The following NTM variants were observed in gnomAD, a reference collection of about 807,000 sequenced individuals.
NTM encodes the protein neurotrimin.
NTM carries 13 observed loss-of-function variants against 42.1 expected under a neutral mutation model. That is an observed-to-expected ratio of 0.31 (90% CI 0.20 to 0.49). NTM has a LOEUF of 0.49. Ranked by LOEUF, NTM falls within the 20% of genes least tolerant of loss-of-function variation. The pLI is 0.99. For synonymous variants in NTM, 187 were observed against 179.2 expected (o/e 1.04, Z -0.35); for missense variants, 373 against 452.8 (o/e 0.82, Z 1.60).
intron 1 of NTM, among the ~76,000 whole-genome samples, chr11:131,529,672 A>G (rs1411277113): frequency 1.3e-5 from 2 of 152,214 alleles, no homozygotes; most frequent in Non-Finnish European, 2.9e-5. Context: ...TATACAAGAA[A>G]GATAAACCCT....
chr11:132,179,652 G>A (rs2077277748), intron 3 of NTM, among the ~76,000 whole-genome samples: 1 of 152,192 alleles, frequency 6.6e-6, no homozygotes. Context: ...ACGGTTTGAA[G>A]AGGGACGAAG....
intron 1 of NTM, among the ~76,000 whole-genome samples, chr11:131,813,676 G>A (rs547990548): frequency 6.6e-6 from 1 of 152,268 alleles, no homozygotes; most frequent in Non-Finnish European, 1.5e-5. Flanking sequence ...TAAAATCAAA[G>A]TGGTATTATA....
At chr11:132,169,536 T>C (rs764605871) in intron 3 of NTM, among the ~76,000 whole-genome samples, 14 of 151,590 alleles carry the variant, frequency 9.2e-5, no homozygotes, top group Non-Finnish European at 1.5e-4. Context: ...GGAGTTTCAC[T>C]GTGTTAGCCA....
At chr11:131,952,836 A>G (rs2061162786) in intron 2 of NTM, among the ~76,000 whole-genome samples, 1 of 152,206 alleles carries the variant, frequency 6.6e-6, no homozygotes, top group Non-Finnish European at 1.5e-5. Flanking sequence ...CTGGTGACCA[A>G]TGCATTATCT....
chr11:132,143,228 T>C (rs2069576199), intron 2 of NTM, among the ~76,000 whole-genome samples: 1 of 152,174 alleles, frequency 6.6e-6, no homozygotes, highest in African/African-American at 2.4e-5. Flanking sequence ...GGTTAGAGGT[T>C]CTCAGGGAGC....
At position 131,772,535 on chromosome 11, in the gene NTM, C is replaced by T. The variant is rs145536602; in HGVS notation, c.83-139029C>T. Among the ~76,000 whole-genome samples the T allele has an allele frequency of 2.5e-3, 386 of 152,252 alleles. 2 individuals are homozygous for T. Among genetic ancestry groups the T allele is most frequent in the African/African-American group, 8.8e-3 (366 of 41,556 alleles). On this transcript the variant is annotated intron_variant, in intron 1 of 8. Coordinates refer to ENST00000683400, the MANE Select transcript of NTM (RefSeq NM_001352005.2). ...ATGTCTAGAACTGAAGGACAACCAG[C>T]AAGAAAACAGGACTTCAGCCTTGCA...
intron 3 of NTM, among the ~76,000 whole-genome samples, chr11:132,185,291 AT>A (rs1309023777): frequency 7.9e-5 from 12 of 152,360 alleles, no homozygotes; most frequent in African/African-American, 2.9e-4. Flanking sequence ...CCAAACAGAC[AT>A]TTATGCACAC....
rs1197743281 is a variant in NTM, at chr11:132,330,194, ATTT to A, written c.967+12_967+14del. 6.4e-7 allele frequency: 1 copy of A among 1,551,304 alleles called. No individual in the cohort carries two copies. Among genetic ancestry groups the A allele is most frequent in the Admixed American group, 2.0e-5 (1 of 50,918 alleles). ...CCTGACCCCTTGGAAAGGTTTGTATATTTTTCAGACAGCTGCTGCCTTGGTGGG... is the reference window on the plus strand; with the variant it reads ...CCTGACCCCTTGGAAAGGTTTGTATATTCAGACAGCTGCTGCCTTGGTGGG... On this transcript the variant is annotated intron_variant, in intron 8 of 8. Transcript: ENST00000683400.
At chr11:131,527,727 C>G (rs1437271917) in intron 1 of NTM, among the ~76,000 whole-genome samples, 1 of 152,176 alleles carries the variant, frequency 6.6e-6, no homozygotes, top group African/African-American at 2.4e-5. Context: ...GGAGCATGCA[C>G]TCAAATACAC....
At chr11:131,915,755 A>T (rs1415759893) in intron 2 of NTM, among the ~76,000 whole-genome samples, 3 of 152,202 alleles carry the variant, frequency 2.0e-5, no homozygotes, top group Non-Finnish European at 4.4e-5. Flanking sequence ...GCGGCAGATG[A>T]GACAATGAAA....
chr11:131,696,463 TG>T (rs1230141907), intron 1 of NTM, among the ~76,000 whole-genome samples: 2 of 152,192 alleles, frequency 1.3e-5, no homozygotes, highest in Non-Finnish European at 2.9e-5. Context: ...CCCACAAGCC[TG>T]GATCAGACCA....
intron 1 of NTM, among the ~76,000 whole-genome samples, chr11:131,749,853 G>A (rs2135682795): frequency 6.6e-6 from 1 of 152,304 alleles, no homozygotes; most frequent in East Asian, 1.9e-4. Flanking sequence ...GCCCTCCTCA[G>A]CCTCCCAAAG....
At chr11:132,251,825 G>T (rs78172839) in intron 4 of NTM, among the ~76,000 whole-genome samples, 2,009 of 152,286 alleles carry the variant, frequency 0.013, 40 homozygotes, top group African/African-American at 0.046. Flanking sequence ...GGAATTTTCT[G>T]GCTTGTCAAA....
chr11:131,864,667 T>G (rs2046962657), intron 1 of NTM, among the ~76,000 whole-genome samples: 1 of 152,190 alleles, frequency 6.6e-6, no homozygotes, highest in Non-Finnish European at 1.5e-5. Context: ...GAGGGAATGT[T>G]CGATTTTGGT....
intron 2 of NTM, among the ~76,000 whole-genome samples, chr11:131,996,733 G>A (rs943175859): frequency 5.3e-5 from 8 of 152,118 alleles, no homozygotes; most frequent in Non-Finnish European, 1.2e-4. Flanking sequence ...GGAAGCATGA[G>A]TGATTAAGGA....
intron 4 of NTM, among the ~76,000 whole-genome samples, chr11:132,268,856 T>C (rs1279191933): frequency 1.3e-5 from 2 of 152,122 alleles, no homozygotes; most frequent in Non-Finnish European, 1.5e-5. Context: ...GAAAGGATGG[T>C]GAGTCTCAGT....
chr11:131,734,133 G>A (rs1260328719), intron 1 of NTM, among the ~76,000 whole-genome samples: 9 of 152,132 alleles, frequency 5.9e-5, no homozygotes, highest in African/African-American at 1.9e-4. Context: ...AGAGACAAGA[G>A]AAGACAGGGG....
At chr11:132,233,537 AAAG>A (rs1459395611) in intron 4 of NTM, among the ~76,000 whole-genome samples, 1 of 152,242 alleles carries the variant, frequency 6.6e-6, no homozygotes, top group African/African-American at 2.4e-5. Context: ...TGAAAAAATT[AAAG>A]AAGAATCATA....
At chr11:132,104,609 G>GTAACAA (rs2062053716) in intron 2 of NTM, among the ~76,000 whole-genome samples, 1 of 146,326 alleles carries the variant, frequency 6.8e-6, no homozygotes, top group South Asian at 2.2e-4. Flanking sequence ...ATAACTAATA[G>GTAACAA]TAATAATCAT....
Sources: gnomAD v4.1 joint callset for allele counts (sites outside exome capture counted in the v4.1 genomes callset) on GRCh38, gnomAD v4.1.1 for gene constraint, MANE v1.5 for transcripts, NCBI Gene and HGNC (gene_info 2026-07-23, HGNC 2026-07-21) for gene names.